The following TMEM117 variants were observed in gnomAD, a reference collection of about 807,000 sequenced individuals.
TMEM117 encodes transmembrane protein 117.
In TMEM117, 27 loss-of-function variants were observed where a neutral mutation model predicts 52.4. The observed-to-expected ratio is 0.51, with a 90% CI of 0.38 to 0.71. The LOEUF (loss-of-function observed/expected upper bound fraction) is 0.71. Among genes scored for constraint, TMEM117 ranks in the 30% least tolerant of loss-of-function variants. The pLI is 0.00. For synonymous variants in TMEM117, 215 were observed against 206.3 expected (o/e 1.04, Z -0.36); for missense variants, 556 against 630.5 (o/e 0.88, Z 1.26).
chr12:43,880,192 T>C (rs61930697), intron 2 of TMEM117, among the ~76,000 whole-genome samples: 3,245 of 152,284 alleles, frequency 0.021, 44 homozygotes, highest in Non-Finnish European at 0.033. Context: ...AATAGGAGGA[T>C]GTAAAGGCTC....
intron 4 of TMEM117, among the ~76,000 whole-genome samples, chr12:44,210,174 C>T (rs1382984576): frequency 6.6e-6 from 1 of 151,992 alleles, no homozygotes; most frequent in Admixed American, 6.6e-5. Flanking sequence ...TGGATTTGAA[C>T]ATTATTAATT....
At chr12:43,951,014 G>C (rs1484778326) in intron 3 of TMEM117, among the ~76,000 whole-genome samples, 1 of 152,172 alleles carries the variant, frequency 6.6e-6, no homozygotes, top group African/African-American at 2.4e-5. Context: ...CAGAAGCAGG[G>C]TGGGGCATTG....
intron 5 of TMEM117, among the ~76,000 whole-genome samples, chr12:44,225,998 CA>C (rs1418244114): frequency 6.6e-6 from 1 of 152,122 alleles, no homozygotes; most frequent in Non-Finnish European, 1.5e-5. Context: ...ACTAACGTCG[CA>C]AAAACAGTTT....
rs114149296 is a variant in TMEM117, at chr12:43,935,301, T to C, written c.278-8909T>C. ...ACTATAAATTTACACAAGCTTGTGA[T>C]GAATTCTTAATATACTTATTTTAGT... On this transcript the variant is annotated intron_variant, in intron 2 of 7. Coordinates refer to ENST00000266534, the MANE Select transcript of TMEM117 (RefSeq NM_032256.3). Among the ~76,000 whole-genome samples the C allele has an allele frequency of 4.4e-3, 671 of 152,330 alleles. 7 individuals are homozygous for C. The highest frequency in any genetic ancestry group is 0.016 in the African/African-American group (650 of 41,582).
At chr12:44,252,746 C>A (rs1950210582) in intron 5 of TMEM117, among the ~76,000 whole-genome samples, 1 of 152,160 alleles carries the variant, frequency 6.6e-6, no homozygotes, top group African/African-American at 2.4e-5. Flanking sequence ...CCTTATTGAA[C>A]CCTCCAAGCT....
At chr12:43,798,800 C>A in the TMEM117 span, among the ~76,000 whole-genome samples, 1 of 152,022 alleles carries the variant, frequency 6.6e-6, no homozygotes, top group Non-Finnish European at 1.5e-5. Context: ...GTGGTTTCAG[C>A]CACTTGTTCT....
chr12:44,375,162 C>T (rs1245064626), intron 6 of TMEM117, among the ~76,000 whole-genome samples: 1 of 152,172 alleles, frequency 6.6e-6, no homozygotes, highest in Non-Finnish European at 1.5e-5. Flanking sequence ...TCTGCATCTT[C>T]TACCTCCTTT....
chr12:43,969,453 C>T (rs533591310), intron 3 of TMEM117, among the ~76,000 whole-genome samples: 15 of 150,434 alleles, frequency 1.0e-4, no homozygotes, highest in Admixed American at 4.0e-4. Context: ...ACCTGGGAGG[C>T]GGAGGTTGCA....
intron 3 of TMEM117, among the ~76,000 whole-genome samples, chr12:44,067,566 C>T (rs914179428): frequency 6.6e-6 from 1 of 152,174 alleles, no homozygotes; most frequent in Non-Finnish European, 1.5e-5. Context: ...AATGACATTT[C>T]ATAATATTAT....
chr12:44,075,371 A>G (rs1565817264), intron 3 of TMEM117, among the ~76,000 whole-genome samples: 1 of 152,232 alleles, frequency 6.6e-6, no homozygotes, highest in South Asian at 2.1e-4. Context: ...CTTCATGAGC[A>G]TGTGATCTGC....
intron 4 of TMEM117, among the ~76,000 whole-genome samples, chr12:44,180,487 A>G (rs1277351236): frequency 2.8e-5 from 4 of 140,380 alleles, no homozygotes; most frequent in Non-Finnish European, 4.6e-5. Context: ...ATATCTCCCA[A>G]TCCTATCCCT....
chr12:44,304,880 A>T (rs967452510), intron 6 of TMEM117, among the ~76,000 whole-genome samples: 1 of 152,204 alleles, frequency 6.6e-6, no homozygotes, highest in African/African-American at 2.4e-5. Flanking sequence ...AAACCCAAAC[A>T]TCCCCACCTG....
chr12:43,985,509 A>T (rs1259272602), intron 3 of TMEM117, among the ~76,000 whole-genome samples: 1 of 152,196 alleles, frequency 6.6e-6, no homozygotes, highest in Non-Finnish European at 1.5e-5. Context: ...AACTTTTTAC[A>T]TATTAATTAT....
chr12:43,992,473 C>G (rs1945959596), intron 3 of TMEM117, among the ~76,000 whole-genome samples: 1 of 152,038 alleles, frequency 6.6e-6, no homozygotes, highest in South Asian at 2.1e-4. Context: ...AGACACGGGT[C>G]TCACCATGTT....
chr12:44,175,195 G>A (rs2054067970), intron 4 of TMEM117, among the ~76,000 whole-genome samples: 1 of 152,210 alleles, frequency 6.6e-6, no homozygotes, highest in African/African-American at 2.4e-5. Context: ...AGAGATTTCA[G>A]TTAGGAGTTT....
At chr12:43,799,388 TG>T in the TMEM117 span, 5 of 1,573,774 alleles carry the variant, frequency 3.2e-6, no homozygotes, top group Non-Finnish European at 4.4e-6. Flanking sequence ...ACTTTGTAGT[TG>T]TAACTTACCT....
chr12:43,820,858 T>G, the TMEM117 span, among the ~76,000 whole-genome samples: 24 of 151,812 alleles, frequency 1.6e-4, no homozygotes, highest in Middle Eastern at 6.8e-3. Context: ...TCCCAGCACT[T>G]TGGGAGGCCG....
rs116066255 is a variant in TMEM117, at chr12:44,121,852, C to T, written c.411-21673C>T. 3.4e-3 allele frequency among the ~76,000 whole-genome samples: 521 copies of T among 152,102 alleles called. 3 individuals carry two copies. The highest frequency in any genetic ancestry group is 0.012 in the African/African-American group (506 of 41,494). On this transcript the variant is annotated intron_variant, in intron 3 of 7. Coordinates refer to ENST00000266534, the MANE Select transcript of TMEM117 (RefSeq NM_032256.3). ...TAGTAATTTTTTTATCTTCATGCTC[C>T]TCCTACCCTTACCTCAAGTATGCCC...
intron 2 of TMEM117, among the ~76,000 whole-genome samples, chr12:43,891,249 C>G (rs1202286457): frequency 6.6e-6 from 1 of 151,962 alleles, no homozygotes; most frequent in African/African-American, 2.4e-5. Context: ...TGGAATATGC[C>G]AGTGAACAAA....
Sources: gnomAD v4.1 joint callset for allele counts (sites outside exome capture counted in the v4.1 genomes callset) on GRCh38, gnomAD v4.1.1 for gene constraint, MANE v1.5 for transcripts, NCBI Gene and HGNC (gene_info 2026-07-23, HGNC 2026-07-21) for gene names.